The following WDR49 variants were observed in gnomAD, a reference collection of about 807,000 sequenced individuals.
WDR49 encodes WD repeat domain 49, also known as cilia- and flagella-associated protein 337.
Under a neutral mutation model 119.5 loss-of-function variants are expected in WDR49, and 107 were observed. The observed-to-expected ratio is 0.90, with a 90% CI of 0.77 to 1.05. The LOEUF (loss-of-function observed/expected upper bound fraction) is 1.05, where lower values mean the gene tolerates loss of function less well. WDR49 is among the 50% of genes least tolerant of loss of function. WDR49 has a pLI of 0.00. For missense variants in WDR49, 1,240 were observed against 1,220.5 expected, an observed-to-expected ratio of 1.02 and a Z score of -0.24; for synonymous variants, 425 against 418.8, an observed-to-expected ratio of 1.01 and a Z score of -0.18.
rs774576197 is a variant in WDR49 at position 167,532,878 on chromosome 3, C to T, written c.2053+1G>A. ...TATTTTCGTTTCAAACTCACACTTA[C>T]CTAATTTTGACTTTAGCAACCTCTG... On this transcript the variant is annotated splice_donor_variant, in intron 12 of 18. Transcript: ENST00000682715. LOFTEE classifies it high-confidence loss of function. 6.2e-7 allele frequency: 1 copy of T among 1,606,870 alleles called. No homozygotes were observed. The highest frequency in any genetic ancestry group is 1.1e-5 in the South Asian group (1 of 90,186).
chr3:167,519,076 T>C (rs1752326845), intron 16 of WDR49, among the ~76,000 whole-genome samples: 1 of 152,122 alleles, frequency 6.6e-6, no homozygotes, highest in African/African-American at 2.4e-5. Flanking sequence ...CACAGTGAGA[T>C]ACCATCTCAT....
At chr3:167,578,004 A>C (rs1407732486) in intron 7 of WDR49, among the ~76,000 whole-genome samples, 2 of 152,160 alleles carry the variant, frequency 1.3e-5, no homozygotes, top group Non-Finnish European at 2.9e-5. Context: ...ACAAGATAGG[A>C]ATCCCTACAG....
At chr3:167,589,776 C>T (rs1020561461) in intron 7 of WDR49, among the ~76,000 whole-genome samples, 1 of 151,934 alleles carries the variant, frequency 6.6e-6, no homozygotes, top group Non-Finnish European at 1.5e-5. Context: ...GATTTTGTAT[C>T]CTGCTACTTT....
At chr3:167,547,419 C>A (rs1712273446) in intron 10 of WDR49, among the ~76,000 whole-genome samples, 1 of 151,590 alleles carries the variant, frequency 6.6e-6, no homozygotes, top group Middle Eastern at 3.2e-3. Context: ...AGAAAAAAAT[C>A]TTTTATGTGA....
At position 167,596,512 on chromosome 3, in the gene WDR49, T is replaced by C. The variant is rs375188824; in HGVS notation, c.1275+5615A>G. ...TAGACTGGATTAAGAAAATGTGGCA[T>C]ATATACACCATGGAATACTATGCAG... On this transcript the variant is annotated intron_variant, in intron 7 of 18. Coordinates refer to ENST00000682715, the MANE Select transcript of WDR49 (RefSeq NM_001366157.1). Among the ~76,000 whole-genome samples the C allele has an allele frequency of 6.1e-3, 913 of 149,306 alleles. 5 individuals are homozygous for C. The highest frequency in any genetic ancestry group is 0.011 in the South Asian group (50 of 4,680).
chr3:167,625,235 CAAA>C (rs1717079200), intron 3 of WDR49, among the ~76,000 whole-genome samples: 1 of 151,930 alleles, frequency 6.6e-6, no homozygotes, highest in Non-Finnish European at 1.5e-5. Flanking sequence ...TACCACGAAA[CAAA>C]GAAGCTTTCA....
Position 167,576,171 on chromosome 3 carries a change from A to G in WDR49, c.1276-20T>C, listed in dbSNP as rs1203277447. The G allele has an allele frequency of 6.3e-7, 1 of 1,599,074 alleles. No homozygotes were observed. Among genetic ancestry groups the G allele is most frequent in the Admixed American group, 1.7e-5 (1 of 58,768 alleles). On this transcript the variant is annotated intron_variant, in intron 7 of 18. Transcript: ENST00000682715. ...CAAAACCTGGATGAAAAGTGATAAAATCATTTCAATATGTCAAAGATAATT... is the reference window on the plus strand; with the variant it reads ...CAAAACCTGGATGAAAAGTGATAAAGTCATTTCAATATGTCAAAGATAATT...
intron 18 of WDR49, among the ~76,000 whole-genome samples, chr3:167,487,805 G>A (rs1223314611): frequency 6.6e-6 from 1 of 151,918 alleles, no homozygotes; most frequent in Non-Finnish European, 1.5e-5. Context: ...TCAGAGAAAA[G>A]CAAATCAAAA....
intron 9 of WDR49, among the ~76,000 whole-genome samples, chr3:167,556,025 G>T (rs190735240): frequency 0.012 from 1,854 of 152,192 alleles, 20 homozygotes; most frequent in Non-Finnish European, 0.016. Flanking sequence ...ACATAGAAAA[G>T]GTACAGTAGA....
chr3:167,533,036 C>A, intron 11 of WDR49, 59 bp from the exon 12 acceptor site: 1 of 1,242,006 alleles, frequency 8.1e-7, no homozygotes, highest in Non-Finnish European at 1.1e-6. Context: ...AAAATATGAG[C>A]AACAGCAATC....
chr3:167,633,311 C>T, intron 2 of WDR49: 1 of 375,210 alleles, frequency 2.7e-6, no homozygotes, highest in Non-Finnish European at 5.2e-6. Context: ...TAGTTTTTGT[C>T]TTAAAAAGAA....
chr3:167,584,872 A>G (rs890818285), intron 7 of WDR49, among the ~76,000 whole-genome samples: 41 of 152,126 alleles, frequency 2.7e-4, no homozygotes, highest in Admixed American at 2.1e-3. Flanking sequence ...ATTTGTGTCT[A>G]GGTTAGAGCC....
intron 2 of WDR49, among the ~76,000 whole-genome samples, chr3:167,635,721 T>C (rs1203628172): frequency 6.6e-6 from 1 of 151,620 alleles, no homozygotes; most frequent in Non-Finnish European, 1.5e-5. Context: ...CCTTAAGTCA[T>C]TGGTGAGTAT....
At chr3:167,650,024 A>T (rs925725114) in intron 2 of WDR49, among the ~76,000 whole-genome samples, 1 of 152,174 alleles carries the variant, frequency 6.6e-6, no homozygotes, top group African/African-American at 2.4e-5. Flanking sequence ...TCTAGGATCA[A>T]GGTCCAATGT....
At chr3:167,629,420 T>C (rs936078689) in intron 2 of WDR49, among the ~76,000 whole-genome samples, 1 of 152,090 alleles carries the variant, frequency 6.6e-6, no homozygotes, top group Admixed American at 6.6e-5. Context: ...TGCTCCACCA[T>C]GTCCCTGGTG....
intron 18 of WDR49, among the ~76,000 whole-genome samples, chr3:167,489,755 G>T (rs2108197407): frequency 6.6e-6 from 1 of 152,132 alleles, no homozygotes; most frequent in East Asian, 1.9e-4. Context: ...AAGATACCCT[G>T]GCAACAAAGG....
chr3:167,531,151 A>G lies in WDR49; in HGVS notation c.2182T>C (p.Cys728Arg), dbSNP rs760553188. ...TEGKNAVMRL[C>R]FLKARKNTAV... ...GTGTTTTTTCTTGCTTTAAGAAAGC[A>G]AAGTCTCATAACAGCATTTTTGCCC... Residue 728 changes from cysteine (C) to arginine (R), a missense_variant, in exon 13 of 19, where the codon TGC (cysteine) becomes CGC (arginine). Physicochemically the swap from Cys to Arg is radical, Grantham distance 180. Transcript: ENST00000682715. 9 of 1,612,392 alleles carry G rather than the reference A, an allele frequency of 5.6e-6. No individual in the cohort carries two copies. The East Asian group carries it at 6.7e-5, about 12-fold the overall frequency.
intron 18 of WDR49, among the ~76,000 whole-genome samples, chr3:167,490,026 G>A (rs1751071682): frequency 6.6e-6 from 1 of 152,086 alleles, no homozygotes; most frequent in South Asian, 2.1e-4. Flanking sequence ...TGCCCATGCT[G>A]CTATCCACTG....
intron 10 of WDR49, among the ~76,000 whole-genome samples, chr3:167,548,827 T>A (rs1712365163): frequency 6.6e-6 from 1 of 152,130 alleles, no homozygotes; most frequent in African/African-American, 2.4e-5. Context: ...TATCTCCTAA[T>A]GCTATCCCTC....
Sources: gnomAD v4.1 joint callset for allele counts (sites outside exome capture counted in the v4.1 genomes callset) on GRCh38, gnomAD v4.1.1 for gene constraint, MANE v1.5 for transcripts, NCBI Gene and HGNC (gene_info 2026-07-23, HGNC 2026-07-21) for gene names.